TERB1: variants seen among roughly 807,000 people sequenced by gnomAD.
TERB1 encodes telomere repeats-binding bouquet formation protein 1.
In TERB1, 63 loss-of-function variants were observed where a neutral mutation model predicts 92.3. The ratio of observed to expected loss-of-function variants is 0.68; its 90% CI spans 0.56 to 0.84. TERB1 has a LOEUF of 0.84. Among genes scored for constraint, TERB1 ranks in the 40% least tolerant of loss-of-function variants. The pLI, the probability that TERB1 is intolerant of heterozygous loss-of-function variation, is 0.00. For missense variants in TERB1, 709 were observed against 843.7 expected (o/e 0.84, Z 1.98); for synonymous variants, 252 against 283.9 (o/e 0.89, Z 1.13).
At chr16:66,774,116 C>T (rs4783735) in intron 12 of TERB1, among the ~76,000 whole-genome samples, 45,057 of 149,936 alleles carry the variant, frequency 0.3, 7,941 homozygotes, top group East Asian at 0.6. Flanking sequence ...CTCCTGACCT[C>T]GTGATCCACC....
chr16:66,758,640 C>T, intron 18 of TERB1, 133 bp downstream of exon 18: 1 of 577,174 alleles, frequency 1.7e-6, no homozygotes, highest in Non-Finnish European at 3.0e-6. Context: ...ACTTAGGAGG[C>T]TGAGGCAGGA....
chr16:66,782,374 AC>A (rs2018651247), intron 9 of TERB1, among the ~76,000 whole-genome samples: 1 of 152,016 alleles, frequency 6.6e-6, no homozygotes, highest in South Asian at 2.1e-4. Flanking sequence ...ACATGGTGAA[AC>A]CCCATCTCTA....
At chr16:66,760,588 C>T (rs1183302870) in intron 16 of TERB1, among the ~76,000 whole-genome samples, 6 of 132,956 alleles carry the variant, frequency 4.5e-5, no homozygotes, top group African/African-American at 1.8e-4. Flanking sequence ...GAGTTCGAGA[C>T]CAGCCTGGCC....
rs144780812 is a variant in TERB1 at position 66,793,628 on chromosome 16, C to G, written c.32-2609G>C. Among the ~76,000 whole-genome samples the G allele has an allele frequency of 9.6e-3, 1,460 of 152,314 alleles. 27 individuals carry two copies. Among genetic ancestry groups the G allele is most frequent in the African/African-American group, 0.033 (1,392 of 41,562 alleles). On this transcript the variant is annotated intron_variant, in intron 3 of 18. Coordinates refer to ENST00000433154, the MANE Select transcript of TERB1 (RefSeq NM_001136505.2). Reference sequence around the variant, plus strand: ...CCGGGCTCAAGCAATTCTCCCACCTCAGCCTCCCAAGGAGCTGGGATTACA... The same window carrying G: ...CCGGGCTCAAGCAATTCTCCCACCTGAGCCTCCCAAGGAGCTGGGATTACA...
Position 66,767,407 on chromosome 16 carries a change from A to G in TERB1, c.1780+8T>C. 6.8e-7 allele frequency: 1 copy of G among 1,478,604 alleles called. No homozygotes were observed. The highest frequency in any genetic ancestry group is 1.3e-5 in the South Asian group (1 of 75,926). 91.6% of individuals were successfully genotyped at this position (1,478,604 alleles called of 1,614,324 possible). A position where few individuals can be genotyped will look rare whatever the true frequency, so the allele number is the denominator to read the frequency against. On this transcript the variant is annotated splice_region_variant and intron_variant, in intron 16 of 18. Transcript: ENST00000433154. ...CTGTGAAACAACTGCAATTAAAAAA[A>G]TACTTACCTGAGCACCTATACGTCA... is the stretch of plus-strand genomic sequence containing the variant.
At chr16:66,778,244 G>C (rs1328640005) in intron 10 of TERB1, among the ~76,000 whole-genome samples, 1 of 151,836 alleles carries the variant, frequency 6.6e-6, no homozygotes, top group Non-Finnish European at 1.5e-5. Context: ...AATATCCCTT[G>C]GTTTCTCATC....
Position 66,779,032 on chromosome 16 carries a change from G to A in TERB1, c.701-17C>T. On this transcript the variant is annotated splice_polypyrimidine_tract_variant and intron_variant, in intron 9 of 18. Transcript: ENST00000433154. ...GAACATATGCTTAAAGAATAAAGTA[G>A]CAAAACTATTAATATTTCAAACAAG... 1 of 1,451,626 alleles carries A rather than the reference G, an allele frequency of 6.9e-7. No individual in the cohort carries two copies. Among genetic ancestry groups the A allele is most frequent in the Non-Finnish European group, 9.2e-7 (1 of 1,083,908 alleles). The allele number at this position is 1,451,626 out of a possible 1,614,324, so 89.9% of individuals were successfully genotyped here.
chr16:66,771,255 C>T (rs773622477), intron 13 of TERB1, among the ~76,000 whole-genome samples: 4 of 152,110 alleles, frequency 2.6e-5, no homozygotes, highest in African/African-American at 9.7e-5. Flanking sequence ...TAAAGCTACA[C>T]TGAGATATTT....
chr16:66,773,652 T>C (rs1597015664), intron 12 of TERB1, among the ~76,000 whole-genome samples: 1 of 152,258 alleles, frequency 6.6e-6, no homozygotes, highest in African/African-American at 2.4e-5. Context: ...CAATGCCTTT[T>C]CTGCTCCACG....
intron 6 of TERB1, 99 bp from the exon 7 acceptor site, chr16:66,786,384 C>T: frequency 1.2e-6 from 1 of 856,698 alleles, no homozygotes; most frequent in Non-Finnish European, 1.8e-6. Context: ...AACTTTTAAA[C>T]AACTTTAAAG....
chr16:66,774,231 GC>G (rs2018504426), intron 12 of TERB1, among the ~76,000 whole-genome samples: 1 of 137,660 alleles, frequency 7.3e-6, no homozygotes, highest in Admixed American at 7.9e-5. Context: ...CGTCGCCCAG[GC>G]TGGAGTGCAG....
chr16:66,771,141 A>G (rs888599207), intron 13 of TERB1, among the ~76,000 whole-genome samples: 4 of 152,228 alleles, frequency 2.6e-5, no homozygotes, highest in Admixed American at 1.3e-4. Flanking sequence ...GATAGCATGG[A>G]AAAGCAGGCA....
intron 16 of TERB1, among the ~76,000 whole-genome samples, chr16:66,762,130 G>A (rs1260364146): frequency 1.3e-5 from 2 of 152,222 alleles, no homozygotes; most frequent in East Asian, 1.9e-4. Flanking sequence ...CAAAAGAAGT[G>A]ATCCTTAAGC....
chr16:66,761,123 A>AAG lies in TERB1; in HGVS notation c.1781-1834_1781-1833insCT, dbSNP rs1275362201. On this transcript the variant is annotated intron_variant, in intron 16 of 18. Transcript: ENST00000433154. ...AGACTCCACCTCAAAAAAAAAAAAA[A>AAG]AAAGAAAAGAAAAGAAAAAGAAAAA... Among the ~76,000 whole-genome samples, 6 of 149,538 alleles carry AAG rather than the reference A, an allele frequency of 4.0e-5. No homozygotes were observed. The South Asian group carries it at 8.5e-4, about 21-fold the overall frequency.
At chr16:66,774,002 C>A (rs1185991516) in intron 12 of TERB1, among the ~76,000 whole-genome samples, 1 of 151,936 alleles carries the variant, frequency 6.6e-6, no homozygotes, top group Non-Finnish European at 1.5e-5. Flanking sequence ...GCCTCAGCCT[C>A]CCGAGTAGCT....
chr16:66,763,531 T>C (rs1196108863), intron 16 of TERB1, among the ~76,000 whole-genome samples: 1 of 152,202 alleles, frequency 6.6e-6, no homozygotes, highest in Admixed American at 6.5e-5. Context: ...TGTTTCTTAC[T>C]GTATCATATT....
intron 11 of TERB1, among the ~76,000 whole-genome samples, chr16:66,775,946 G>A (rs969073517): frequency 1.3e-4 from 19 of 151,800 alleles, no homozygotes; most frequent in East Asian, 7.9e-4. Flanking sequence ...TCCTGACCTC[G>A]TGATCTGCCC....
At chr16:66,784,867 C>T (rs1485273476) in intron 9 of TERB1, among the ~76,000 whole-genome samples, 1 of 149,452 alleles carries the variant, frequency 6.7e-6, no homozygotes, top group Non-Finnish European at 1.5e-5. Flanking sequence ...TCCTGAGTAG[C>T]TAGGATTACA....
At chr16:66,756,490 CTTG>C (rs1043769888) in intron 18 of TERB1, among the ~76,000 whole-genome samples, 2 of 152,148 alleles carry the variant, frequency 1.3e-5, no homozygotes, top group African/African-American at 4.8e-5. Flanking sequence ...TCAATAAATA[CTTG>C]TTGAGAGAAA....
Sources: gnomAD v4.1 joint callset for allele counts (sites outside exome capture counted in the v4.1 genomes callset) on GRCh38, gnomAD v4.1.1 for gene constraint, MANE v1.5 for transcripts, NCBI Gene and HGNC (gene_info 2026-07-23, HGNC 2026-07-21) for gene names.